Variants in MRPL50 observed in about 807,000 individuals in gnomAD.
MRPL50 encodes mitochondrial ribosomal protein L50, also known as large ribosomal subunit protein mL50.
A neutral mutation model predicts 16.2 loss-of-function variants in MRPL50; 10 were observed. The ratio of observed to expected loss-of-function variants is 0.62; its 90% CI spans 0.38 to 1.05. The LOEUF is 1.05. MRPL50 is among the 50% of genes least tolerant of loss of function. MRPL50 has a pLI of 0.01. For synonymous variants in MRPL50, 68 were observed against 66.8 expected, an observed-to-expected ratio of 1.02 and a Z score of -0.09; for missense variants, 213 against 187.1, an observed-to-expected ratio of 1.14 and a Z score of -0.81.
chr9:101,396,252 T>C (rs1272118520), intron 1 of MRPL50, among the ~76,000 whole-genome samples: 1 of 152,146 alleles, frequency 6.6e-6, no homozygotes, highest in Non-Finnish European at 1.5e-5. Flanking sequence ...TCCTCAAAAG[T>C]TATAAACAGA....
In MRPL50 at chr9:101,390,232, A is replaced by C. The variant is rs1047539200; in HGVS notation, c.*234T>G. Reference sequence around the variant, plus strand: ...AGTGCCCTCTCAAAACTTTTCATAAATAATGACCTAATTTCATTTAAAAAA... The same window carrying C: ...AGTGCCCTCTCAAAACTTTTCATAACTAATGACCTAATTTCATTTAAAAAA... On this transcript the variant is annotated 3_prime_UTR_variant, in exon 2 of 2. Coordinates refer to ENST00000374865, the MANE Select transcript of MRPL50 (RefSeq NM_019051.3). 5 of 1,223,240 alleles carry C rather than the reference A, an allele frequency of 4.1e-6. No individual in the cohort carries two copies. Among genetic ancestry groups the C allele is most frequent in the Non-Finnish European group, 4.1e-6 (4 of 979,770 alleles). The allele number at this position is 1,223,240 out of a possible 1,614,324, so 75.8% of individuals were successfully genotyped here.
chr9:101,394,408 C>A (rs144825177), intron 1 of MRPL50, among the ~76,000 whole-genome samples: 10 of 152,286 alleles, frequency 6.6e-5, no homozygotes, highest in Admixed American at 3.3e-4. Flanking sequence ...TGTGATCCCA[C>A]CCAGGATCAT....
Position 101,392,272 on chromosome 9 carries a change from C to A in MRPL50, c.93-1422G>T, listed in dbSNP as rs113453859. Among the ~76,000 whole-genome samples, 367 of 151,058 alleles carry A rather than the reference C, an allele frequency of 2.4e-3. 3 individuals are homozygous for A. Among genetic ancestry groups the A allele is most frequent in the African/African-American group, 8.0e-3 (328 of 41,200 alleles). On this transcript the variant is annotated intron_variant, in intron 1 of 1. Coordinates refer to ENST00000374865, the MANE Select transcript of MRPL50 (RefSeq NM_019051.3). ...TAAATTAGAAAAAGACAAACCAAAT[C>A]CAAAATTAGTAGAAGGAAAGAAATA...
In MRPL50 at chr9:101,390,737, C is replaced by A. The variant is rs143180617; in HGVS notation, c.206G>T (p.Arg69Leu). Residue 69 changes from arginine (R) to leucine (L), a missense_variant, in exon 2 of 2, where the codon CGT becomes CTT. Physicochemically the swap from Arg to Leu is moderately radical, Grantham distance 102. Transcript: ENST00000374865. Reference protein sequence around the residue: ...AYTPPEDLQSRLESYVKEVFG... With the variant: ...AYTPPEDLQSLLESYVKEVFG... The stretch of plus-strand genomic sequence containing the variant: ...AACTTCTTTAACGTAAGATTCCAAA[C>A]GACTCTGGAGATCTTCAGGTGGTGT... 1 of 1,613,592 alleles carries A rather than the reference C, an allele frequency of 6.2e-7. No individual in the cohort carries two copies. Among genetic ancestry groups the A allele is most frequent in the Admixed American group, 1.7e-5 (1 of 59,950 alleles).
Position 101,390,166 on chromosome 9 carries a change from T to C in MRPL50, c.*300A>G. On this transcript the variant is annotated 3_prime_UTR_variant, in exon 2 of 2. Transcript: ENST00000374865. ...GCAACTACTTTATGCTTATGAAAGGTGTGAACTTGCAATGTCCTCCTGTCT... is the reference window on the plus strand; with the variant it reads ...GCAACTACTTTATGCTTATGAAAGGCGTGAACTTGCAATGTCCTCCTGTCT... 2.3e-5 allele frequency: 25 copies of C among 1,100,236 alleles called. No homozygotes were observed. The highest frequency in any genetic ancestry group is 2.8e-5 in the Non-Finnish European group (25 of 903,100). 68.2% of individuals were successfully genotyped at this position (1,100,236 alleles called of 1,614,324 possible). A position where few individuals can be genotyped will look rare whatever the true frequency, so the allele number is the denominator to read the frequency against.
At position 101,390,689 on chromosome 9, in the gene MRPL50, T is replaced by C. The variant is rs1385855806; in HGVS notation, c.254A>G (p.Asn85Ser). 5.0e-6 allele frequency: 8 copies of C among 1,613,534 alleles called. No individual in the cohort carries two copies. In the East Asian group the frequency reaches 1.8e-4, roughly 36 times the overall value. ...KEVFGSSLPS[N>S]WQDISLEDSR... ...ATCTTCCAGGGAGATGTCTTGCCAA[T>C]TACTAGGAAGAGATGAACCAAAAAC... The change falls in exon 2 of 2, where the codon AAT becomes AGT. Residue 85 changes from asparagine to serine, a missense_variant. Transcript: ENST00000374865.
intron 1 of MRPL50, among the ~76,000 whole-genome samples, chr9:101,396,768 C>T (rs998669578): frequency 6.6e-6 from 1 of 151,906 alleles, no homozygotes; most frequent in Admixed American, 6.6e-5. Context: ...ATGGAGAAAC[C>T]CTGTCTCTAC....
chr9:101,397,679 A>G (rs1278769463), intron 1 of MRPL50, among the ~76,000 whole-genome samples: 1 of 152,222 alleles, frequency 6.6e-6, no homozygotes, highest in African/African-American at 2.4e-5. Flanking sequence ...ACAAATATTG[A>G]CCAAAGAAGA....
In MRPL50 at chr9:101,389,279, T is replaced by A. The variant is rs755530529; in HGVS notation, c.*1187A>T. 1.8e-5 allele frequency: 5 copies of A among 271,030 alleles called. No individual in the cohort carries two copies. Among genetic ancestry groups the A allele is most frequent in the African/African-American group, 4.6e-5 (2 of 43,690 alleles). The allele number at this position is 271,030 out of a possible 1,614,324, so 16.8% of individuals were successfully genotyped here. Reference sequence around the variant, plus strand: ...GCTTGGGCATCTGTGGACTTTGGTATCCAAGTAGGTGTCCTGGAACCAATC... The same window carrying A: ...GCTTGGGCATCTGTGGACTTTGGTAACCAAGTAGGTGTCCTGGAACCAATC... On this transcript the variant is annotated 3_prime_UTR_variant, in exon 2 of 2. Coordinates refer to ENST00000374865, the MANE Select transcript of MRPL50 (RefSeq NM_019051.3).
Position 101,388,458 on chromosome 9 carries a change from T to C in MRPL50, c.*2008A>G, listed in dbSNP as rs1830228703. On this transcript the variant is annotated 3_prime_UTR_variant, in exon 2 of 2. Coordinates refer to ENST00000374865, the MANE Select transcript of MRPL50 (RefSeq NM_019051.3). ...AGATAATGAAATCCTGTACATAAAA[T>C]TCCAATGATTCCATGCTGAATCTTT... 1 of 152,100 alleles carries C rather than the reference T, an allele frequency of 6.6e-6. No individual in the cohort carries two copies. Among genetic ancestry groups the C allele is most frequent in the South Asian group, 2.1e-4 (1 of 4,830 alleles). The allele number at this position is 152,100 out of a possible 1,614,324, so 9.4% of individuals were successfully genotyped here.
intron 1 of MRPL50, among the ~76,000 whole-genome samples, chr9:101,396,445 AGT>A (rs919773688): frequency 2.4e-4 from 36 of 152,298 alleles, no homozygotes; most frequent in Middle Eastern, 3.4e-3. Flanking sequence ...AAATGCCATA[AGT>A]GTGTCTATAT....
Position 101,390,457 on chromosome 9 carries a change from C to T in MRPL50, c.*9G>A, listed in dbSNP as rs772242685. On this transcript the variant is annotated 3_prime_UTR_variant, in exon 2 of 2. Transcript: ENST00000374865. ...ACAGTGATTTCAATGTGTTTCTCTT[C>T]CGAATTGCTTAGTAACTCCAAGTGA... 3 of 1,602,720 alleles carry T rather than the reference C, an allele frequency of 1.9e-6. No individual in the cohort carries two copies. In the East Asian group the frequency reaches 6.7e-5, roughly 36 times the overall value.
chr9:101,392,832 A>G (rs1380349183), intron 1 of MRPL50, among the ~76,000 whole-genome samples: 2 of 151,972 alleles, frequency 1.3e-5, no homozygotes, highest in Non-Finnish European at 2.9e-5. Context: ...CAAAGACAAA[A>G]TAAAAAAGGA....
At chr9:101,398,208 G>C (rs1017807020) in intron 1 of MRPL50, among the ~76,000 whole-genome samples, 9 of 152,208 alleles carry the variant, frequency 5.9e-5, no homozygotes, top group African/African-American at 2.2e-4. Flanking sequence ...AACACACTCG[G>C]TGTCTCGCAC....
At chr9:101,393,072 T>A (rs1012355235) in intron 1 of MRPL50, among the ~76,000 whole-genome samples, 1 of 152,136 alleles carries the variant, frequency 6.6e-6, no homozygotes, top group African/African-American at 2.4e-5. Context: ...ACAAATTCGA[T>A]ACATCACATT....
chr9:101,396,665 C>T (rs541918187), intron 1 of MRPL50, among the ~76,000 whole-genome samples: 7 of 152,230 alleles, frequency 4.6e-5, no homozygotes, highest in South Asian at 2.1e-4. Context: ...CAAATTAGGC[C>T]GGGTTTAGTG....
Position 101,390,671 on chromosome 9 carries a change from A to C in MRPL50, c.272T>G (p.Leu91Arg), listed in dbSNP as rs767080070. The change falls in exon 2 of 2, where the codon CTG (leucine) becomes CGG (arginine). Residue 91 changes from leucine to arginine, a missense_variant. Transcript: ENST00000374865. ...ATTGAACTTTAGACGACTATCTTCCAGGGAGATGTCTTGCCAATTACTAGG... is the reference window on the plus strand; with the variant it reads ...ATTGAACTTTAGACGACTATCTTCCCGGGAGATGTCTTGCCAATTACTAGG... ...SLPSNWQDISLEDSRLKFNLL... is the reference protein window; with the variant it reads ...SLPSNWQDISREDSRLKFNLL... 3 of 1,522,752 alleles carry C rather than the reference A, an allele frequency of 2.0e-6. No individual in the cohort carries two copies. The Admixed American group carries it at 5.3e-5, about 27-fold the overall frequency. The allele number at this position is 1,522,752 out of a possible 1,614,324, so 94.3% of individuals were successfully genotyped here.
chr9:101,395,986 T>C (rs886151747), intron 1 of MRPL50, among the ~76,000 whole-genome samples: 17 of 152,216 alleles, frequency 1.1e-4, no homozygotes, highest in African/African-American at 3.1e-4. Context: ...ACGTGATGGA[T>C]ACGTCAACTA....
rs1830367192 is a variant in MRPL50, at chr9:101,397,380, TA to T, written c.92+1120del. 3.9e-5 allele frequency among the ~76,000 whole-genome samples: 6 copies of T among 152,312 alleles called. No homozygotes were observed. The South Asian group carries it at 1.2e-3, about 32-fold the overall frequency. On this transcript the variant is annotated intron_variant, in intron 1 of 1. Coordinates refer to ENST00000374865, the MANE Select transcript of MRPL50 (RefSeq NM_019051.3). ...ATAATCAACATCAAGTTGTATATCT[TA>T]AATATATAAAATTTTTAAAATAGTA...
Sources: allele counts gnomAD v4.1 joint callset (sites outside exome capture counted in the v4.1 genomes callset), GRCh38; gene constraint gnomAD v4.1.1; transcripts MANE v1.5; gene names NCBI Gene and HGNC (gene_info 2026-07-23, HGNC 2026-07-21).